NDC1: variants seen among roughly 807,000 people sequenced by gnomAD.
NDC1 encodes nucleoporin NDC1.
NDC1 carries 24 observed loss-of-function variants against 89.8 expected under a neutral mutation model. The ratio of observed to expected loss-of-function variants is 0.27; its 90% CI spans 0.19 to 0.38. NDC1 has a LOEUF of 0.38. Ranked by LOEUF, NDC1 falls within the 10% of genes least tolerant of loss-of-function variation. The pLI is 1.00. For missense variants in NDC1, 728 were observed against 797.6 expected, an observed-to-expected ratio of 0.91 and a Z score of 1.05; for synonymous variants, 296 against 284.8, an observed-to-expected ratio of 1.04 and a Z score of -0.39.
chr1:53,788,388 G>C (rs1272878667), intron 15 of NDC1, among the ~76,000 whole-genome samples: 1 of 151,678 alleles, frequency 6.6e-6, no homozygotes, highest in Admixed American at 6.6e-5. Flanking sequence ...TTGAGCCCAG[G>C]AGTTTGAGAC....
chr1:53,773,615 C>T (rs1198386111), intron 16 of NDC1, among the ~76,000 whole-genome samples: 3 of 152,148 alleles, frequency 2.0e-5, no homozygotes, highest in Admixed American at 1.3e-4. Flanking sequence ...TACAGACGAG[C>T]GGCTTCACAG....
chr1:53,800,592 G>C, intron 11 of NDC1, 101 bp downstream of exon 11: 1 of 1,305,824 alleles, frequency 7.7e-7, no homozygotes. Context: ...CCCAAAGTGC[G>C]GGGATAACAG....
At chr1:53,789,977 C>T (rs953230995) in intron 14 of NDC1, among the ~76,000 whole-genome samples, 1 of 151,482 alleles carries the variant, frequency 6.6e-6, no homozygotes, top group Admixed American at 6.6e-5. Flanking sequence ...GTGGCATGCA[C>T]CTAGAGTCCC....
chr1:53,804,666 G>C (rs1648043850), intron 9 of NDC1, among the ~76,000 whole-genome samples: 1 of 152,058 alleles, frequency 6.6e-6, no homozygotes, highest in Non-Finnish European at 1.5e-5. Context: ...TAGTAGAGAT[G>C]GGGTTTCACC....
chr1:53,798,491 A>G (rs1478362376), intron 11 of NDC1, among the ~76,000 whole-genome samples: 1 of 150,778 alleles, frequency 6.6e-6, no homozygotes, highest in African/African-American at 2.4e-5. Context: ...TAATAAAACC[A>G]CCATAAGAAA....
chr1:53,779,848 G>A (rs1347300103), intron 16 of NDC1, among the ~76,000 whole-genome samples: 3 of 152,114 alleles, frequency 2.0e-5, no homozygotes, highest in African/African-American at 7.2e-5. Flanking sequence ...CATAGAAACC[G>A]AGAATAGACT....
At chr1:53,800,586 A>G in intron 11 of NDC1, 107 bp downstream of exon 11, 2 of 1,247,444 alleles carry the variant, frequency 1.6e-6, no homozygotes, top group Non-Finnish European at 2.3e-6. Flanking sequence ...CGGCCTCCCA[A>G]AGTGCGGGGA....
chr1:53,769,368 T>C (rs1363657053), intron 17 of NDC1, among the ~76,000 whole-genome samples: 1 of 152,220 alleles, frequency 6.6e-6, no homozygotes, highest in Non-Finnish European at 1.5e-5. Context: ...AAAATTGTAA[T>C]GTACTAGGTA....
Position 53,838,228 on chromosome 1 carries a change from T to G in NDC1, c.34A>C (p.Arg12=), listed in dbSNP as rs1649305558. 1.3e-6 allele frequency: 2 copies of G among 1,536,088 alleles called. No individual in the cohort carries two copies. The part of the protein sequence containing the change: ...ATAVSRPCAG[R]SRDILWRVLG... The stretch of plus-strand genomic sequence containing the variant: ...ACGCGCCACAGTATGTCCCGCGACC[T>G]GCCGGCGCAGGGCCGGCTCACGGCC... The change falls in exon 1 of 18, where the codon AGG becomes CGG. Residue 12 remains arginine, a synonymous_variant. Coordinates refer to ENST00000371429, the MANE Select transcript of NDC1 (RefSeq NM_018087.5).
chr1:53,816,648 A>C (rs572202744), intron 6 of NDC1, among the ~76,000 whole-genome samples: 11 of 149,330 alleles, frequency 7.4e-5, no homozygotes, highest in East Asian at 5.8e-4. Context: ...CAAAAAACAA[A>C]AAAAAAAAAA....
rs1362307499 is a variant in NDC1, at chr1:53,796,746, AC to A, written c.1526del (p.Gly509ValfsTer4). On this transcript the variant is annotated frameshift_variant, in exon 13 of 18. Coordinates refer to ENST00000371429, the MANE Select transcript of NDC1 (RefSeq NM_018087.5). LOFTEE classifies it high-confidence loss of function. ...PSPSTSISAEGKTMRQPSVIY... is the reference protein window; with the variant it reads ...PSPSTSISAEXKTMRQPSVIY... ...TCACACTGGGTTGTCTCATTGTCTT[AC>A]CCTCAGCACTAATAGAGGTAGATGG... 27 of 1,611,898 alleles carry A rather than the reference AC, an allele frequency of 1.7e-5. No individual in the cohort carries two copies. Among genetic ancestry groups the A allele is most frequent in the Non-Finnish European group, 2.3e-5 (27 of 1,179,444 alleles).
At position 53,789,211 on chromosome 1, in the gene NDC1, A is replaced by G. The variant is rs1647405624; in HGVS notation, c.1636-15T>C. ...GCCTCTGGGTGCTACAAATAAAAAC[A>G]AAAACATTCAAGTGAATTCCCCTGA... On this transcript the variant is annotated splice_polypyrimidine_tract_variant and intron_variant, in intron 14 of 17. Transcript: ENST00000371429. 6.3e-7 allele frequency: 1 copy of G among 1,582,348 alleles called. No individual in the cohort carries two copies. The highest frequency in any genetic ancestry group is 8.6e-7 in the Non-Finnish European group (1 of 1,157,566).
intron 1 of NDC1, among the ~76,000 whole-genome samples, chr1:53,837,030 G>A (rs1372729240): frequency 6.6e-6 from 1 of 152,154 alleles, no homozygotes; most frequent in Non-Finnish European, 1.5e-5. Flanking sequence ...AGTGCCAAAG[G>A]TGGCAACAAC....
chr1:53,794,136 C>G, intron 13 of NDC1, among the ~76,000 whole-genome samples: 1 of 152,034 alleles, frequency 6.6e-6, no homozygotes, highest in Non-Finnish European at 1.5e-5. Flanking sequence ...CCACCACACC[C>G]AGCTAATTTT....
chr1:53,823,297 A>G (rs909961629), intron 5 of NDC1, among the ~76,000 whole-genome samples: 3 of 152,210 alleles, frequency 2.0e-5, no homozygotes, highest in African/African-American at 7.2e-5. Flanking sequence ...GACATGCCCC[A>G]TATATATTTT....
chr1:53,801,005 C>G (rs1181177), intron 10 of NDC1, among the ~76,000 whole-genome samples, 157 bp from the exon 11 acceptor site: 15,437 of 151,038 alleles, frequency 0.1, 2,457 homozygotes, highest in African/African-American at 0.34. Flanking sequence ...ATCTAATACA[C>G]AGCAGGAGTT....
At chr1:53,818,564 A>C (rs1190690114) in intron 6 of NDC1, among the ~76,000 whole-genome samples, 1 of 152,210 alleles carries the variant, frequency 6.6e-6, no homozygotes, top group Non-Finnish European at 1.5e-5. Flanking sequence ...TACCCACTGA[A>C]CAACTCCACC....
chr1:53,821,091 A>G (rs755898262), intron 5 of NDC1, among the ~76,000 whole-genome samples: 1 of 152,096 alleles, frequency 6.6e-6, no homozygotes, highest in Non-Finnish European at 1.5e-5. Flanking sequence ...TATAGTATTC[A>G]GAAACTATAT....
Position 53,803,979 on chromosome 1 carries a change from A to C in NDC1, c.1015T>G (p.Ser339Ala), listed in dbSNP as rs1365775210. The C allele has an allele frequency of 3.1e-6, 5 of 1,614,110 alleles. No individual in the cohort carries two copies. ...YLALQDLMLL[S>A]QYSPSRRQEV... ...TGTCTTCGTGAAGGAGAATATTGAG[A>C]AAGCAACATCAGGTCCTGCAAGGCT... The change falls in exon 10 of 18, where the codon TCT (serine) becomes GCT (alanine). Residue 339 changes from serine (S) to alanine (A), a missense_variant. Coordinates refer to ENST00000371429, the MANE Select transcript of NDC1 (RefSeq NM_018087.5).
Sources: allele counts gnomAD v4.1 joint callset (sites outside exome capture counted in the v4.1 genomes callset), GRCh38; gene constraint gnomAD v4.1.1; transcripts MANE v1.5; gene names NCBI Gene and HGNC (gene_info 2026-07-23, HGNC 2026-07-21).